NUP188: variants seen among roughly 807,000 people sequenced by gnomAD.
NUP188 encodes the protein nucleoporin 188.
NUP188 carries 97 observed loss-of-function variants against 223.0 expected under a neutral mutation model. The ratio of observed to expected loss-of-function variants is 0.43; its 90% confidence interval spans 0.37 to 0.51. NUP188 has a LOEUF of 0.51. Ranked by LOEUF, NUP188 falls within the 20% of genes least tolerant of loss-of-function variation. The pLI is 0.00. For missense variants in NUP188, 1,947 were observed against 2,175.6 expected, an observed-to-expected ratio of 0.89 and a Z score of 2.09; for synonymous variants, 869 against 828.0, an observed-to-expected ratio of 1.05 and a Z score of -0.85.
intron 10 of NUP188, among the ~76,000 whole-genome samples, chr9:128,970,173 C>G (rs912139699): frequency 1.3e-5 from 2 of 152,178 alleles, no homozygotes; most frequent in African/African-American, 4.8e-5. Flanking sequence ...AGTGATCCAC[C>G]TGCCTCAGCC....
At chr9:128,978,660 A>G (rs189963016) in intron 12 of NUP188, among the ~76,000 whole-genome samples, 4 of 152,086 alleles carry the variant, frequency 2.6e-5, no homozygotes, top group Admixed American at 6.6e-5. Context: ...TTGTCTTTAA[A>G]TATAAATAAA....
At chr9:128,995,239 C>A in intron 29 of NUP188, 80 bp from the exon 30 acceptor site, 1 of 1,211,362 alleles carries the variant, frequency 8.3e-7, no homozygotes, top group Non-Finnish European at 1.2e-6. Flanking sequence ...GTCGTTTTCT[C>A]TGCCTCAACA....
At chr9:128,979,684 G>A (rs1564558203) in intron 13 of NUP188, among the ~76,000 whole-genome samples, 1 of 152,090 alleles carries the variant, frequency 6.6e-6, no homozygotes, top group Non-Finnish European at 1.5e-5. Flanking sequence ...CCAGGCTGGA[G>A]TGCAATGGCG....
chr9:128,967,532 TG>T (rs1282274395), intron 8 of NUP188, among the ~76,000 whole-genome samples: 1 of 152,130 alleles, frequency 6.6e-6, no homozygotes, highest in African/African-American at 2.4e-5. Flanking sequence ...GGCTCACGCC[TG>T]TAATCCCAGC....
Position 129,006,825 on chromosome 9 carries a change from C to CCTGCT in NUP188, c.*148_*149insTGCTC. On this transcript the variant is annotated 3_prime_UTR_variant, in exon 44 of 44. Transcript: ENST00000372577. ...GAGTAGCCACGACTCCAGCCACCAC[C>CCTGCT]CACTGACGTTATTTTTATACTAGAT... is the stretch of plus-strand genomic sequence containing the variant. 1 of 740,570 alleles carries CCTGCT rather than the reference C, an allele frequency of 1.4e-6. No homozygotes were observed. The allele number at this position is 740,570 out of a possible 1,614,324, so 45.9% of individuals were successfully genotyped here. A position where few individuals can be genotyped will look rare whatever the true frequency, so the allele number is the denominator to read the frequency against.
At position 128,993,609 on chromosome 9, in the gene NUP188, C is replaced by G; in HGVS notation, c.2932C>G (p.Pro978Ala). The change falls in exon 27 of 44, where the codon CCC becomes GCC. Residue 978 changes from proline (P) to alanine (A), a missense_variant. Coordinates refer to ENST00000372577, the MANE Select transcript of NUP188 (RefSeq NM_015354.3). Reference protein sequence around the residue: ...SQQQDRYWCPPLLHRAAIAFL... With the variant: ...SQQQDRYWCPALLHRAAIAFL... ...ACAGCAAGATCGATACTGGTGCCCA[C>G]CCCTGCTGCATCGTGCCGCCATTGC... 6.2e-7 allele frequency: 1 copy of G among 1,614,208 alleles called. No individual in the cohort carries two copies. Among genetic ancestry groups the G allele is most frequent in the Non-Finnish European group, 8.5e-7 (1 of 1,180,038 alleles).
rs2036992575 is a variant in NUP188, at chr9:128,958,020, A to G, written c.338A>G (p.Gln113Arg). ...TGTTTTTCTTTTCAGACAGTACTGCAAGATGAGAGGCAGAGCCAGGCCTTA... is the reference window on the plus strand; with the variant it reads ...TGTTTTTCTTTTCAGACAGTACTGCGAGATGAGAGGCAGAGCCAGGCCTTA... ...GTRDSVKTVL[Q>R]DERQSQALIL... The change falls in exon 6 of 44, where the codon CAA becomes CGA. Residue 113 changes from glutamine (Q) to arginine (R), a missense_variant. By Grantham distance (43) the Gln-to-Arg change is conservative. Around this residue, in one of 3 missense-constraint regions of NUP188, gnomAD observed 817 missense variants for 865.8 expected, o/e 0.94. Transcript: ENST00000372577. 6.2e-7 allele frequency: 1 copy of G among 1,613,320 alleles called. No individual in the cohort carries two copies. Among genetic ancestry groups the G allele is most frequent in the Non-Finnish European group, 8.5e-7 (1 of 1,179,572 alleles).
chr9:128,951,567 G>A (rs2131135707), intron 2 of NUP188, among the ~76,000 whole-genome samples: 1 of 152,164 alleles, frequency 6.6e-6, no homozygotes, highest in African/African-American at 2.4e-5. Flanking sequence ...TTAGAGGAAT[G>A]GTAAATGAAT....
In NUP188 at chr9:129,006,316, C is replaced by G; in HGVS notation, c.5021C>G (p.Ala1674Gly). Residue 1674 changes from alanine to glycine, a missense_variant, in exon 43 of 44, where the codon GCT (alanine) becomes GGT (glycine). Coordinates refer to ENST00000372577, the MANE Select transcript of NUP188 (RefSeq NM_015354.3). ...GCGATGCGGTACCTTAGGGACCCGG[C>G]TGTGCACCCCCGGGACAAACAGCGG... is the stretch of plus-strand genomic sequence containing the variant. ...SQAMRYLRDP[A>G]VHPRDKQRMK... 6.2e-7 allele frequency: 1 copy of G among 1,614,222 alleles called. No individual in the cohort carries two copies. The highest frequency in any genetic ancestry group is 1.6e-4 in the Middle Eastern group (1 of 6,062).
chr9:128,948,966 C>T (rs1314202651), intron 1 of NUP188: 1 of 372,484 alleles, frequency 2.7e-6, no homozygotes, highest in Non-Finnish European at 4.9e-6. Context: ...ACCTCATGAT[C>T]CGCCCGCCTC....
At chr9:128,951,382 G>A (rs139488071) in intron 2 of NUP188, among the ~76,000 whole-genome samples, 136 of 151,684 alleles carry the variant, frequency 9.0e-4, no homozygotes, top group Non-Finnish European at 1.5e-3. Flanking sequence ...AGGAGGCTGT[G>A]GTGGAAAGAT....
intron 37 of NUP188, 91 bp downstream of exon 37, chr9:129,003,066 C>A: frequency 7.0e-7 from 1 of 1,431,012 alleles, no homozygotes; most frequent in Non-Finnish European, 9.5e-7. Flanking sequence ...GAGCCTGGGC[C>A]TCAGTAGCGG....
intron 20 of NUP188, among the ~76,000 whole-genome samples, chr9:128,986,210 A>G (rs984799744): frequency 6.6e-6 from 1 of 152,292 alleles, no homozygotes; most frequent in African/African-American, 2.4e-5. Context: ...GATTGAGGTT[A>G]GGGACGGCTG....
chr9:128,968,918 T>A (rs1420680094), intron 9 of NUP188, among the ~76,000 whole-genome samples: 1 of 152,192 alleles, frequency 6.6e-6, no homozygotes, highest in Non-Finnish European at 1.5e-5. Flanking sequence ...ATCTGCTCTT[T>A]TACTTACTGT....
intron 8 of NUP188, among the ~76,000 whole-genome samples, chr9:128,960,747 C>T (rs1300132248): frequency 6.6e-6 from 1 of 151,946 alleles, no homozygotes; most frequent in Non-Finnish European, 1.5e-5. Context: ...GTCAGGAGTT[C>T]GAGACAAGCC....
chr9:129,002,669 C>T lies in NUP188; in HGVS notation c.4138-148C>T, dbSNP rs534409227. ...TCCTTGAATCTGCTGGTGTTGGCCC[C>T]TTTCTGGCCCTGGTGGCCAGACAGT... On this transcript the variant is annotated intron_variant, in intron 36 of 43. Coordinates refer to ENST00000372577, the MANE Select transcript of NUP188 (RefSeq NM_015354.3). 26 of 788,912 alleles carry T rather than the reference C, an allele frequency of 3.3e-5. No individual in the cohort carries two copies. The African/African-American group carries it at 4.5e-4, about 14-fold the overall frequency. The allele number at this position is 788,912 out of a possible 1,614,324, so 48.9% of individuals were successfully genotyped here. A position where few individuals can be genotyped will look rare whatever the true frequency, so the allele number is the denominator to read the frequency against.
chr9:128,983,483 G>A lies in NUP188; in HGVS notation c.1894G>A (p.Asp632Asn), dbSNP rs755237038. Residue 632 changes from aspartate to asparagine, a missense_variant, in exon 19 of 44, where the codon GAT becomes AAT. Asp to Asn is a conservative substitution (Grantham distance 23). Coordinates refer to ENST00000372577, the MANE Select transcript of NUP188 (RefSeq NM_015354.3). Reference protein sequence around the residue: ...AARNPAKVWTDLRHTGFLPFV... With the variant: ...AARNPAKVWTNLRHTGFLPFV... Reference sequence around the variant, plus strand: ...TCCTTTTCCTTCTCAGGTCTGGACTGATCTTCGTCACACAGGTTTTTTACC... The same window carrying A: ...TCCTTTTCCTTCTCAGGTCTGGACTAATCTTCGTCACACAGGTTTTTTACC... 2 of 1,614,112 alleles carry A rather than the reference G, an allele frequency of 1.2e-6. No homozygotes were observed. Among genetic ancestry groups the A allele is most frequent in the Admixed American group, 3.3e-5 (2 of 60,016 alleles).
At chr9:128,981,972 G>T (rs569219041) in intron 15 of NUP188, among the ~76,000 whole-genome samples, 1 of 152,148 alleles carries the variant, frequency 6.6e-6, no homozygotes, top group South Asian at 2.1e-4. Context: ...AGCTACTCGG[G>T]AGGCTAAGAC....
intron 20 of NUP188, chr9:128,985,226 T>C (rs2131169382): frequency 4.5e-6 from 2 of 446,032 alleles, no homozygotes; most frequent in Non-Finnish European, 4.0e-6. Context: ...TTATGTGAAT[T>C]TATTTAATGA....
Sources: allele counts gnomAD v4.1 joint callset (sites outside exome capture counted in the v4.1 genomes callset), GRCh38; gene constraint gnomAD v4.1.1; regional missense constraint gnomAD v4.1.1; transcripts MANE v1.5; gene names NCBI Gene and HGNC (gene_info 2026-07-23, HGNC 2026-07-21).